The following NMBR variants were observed in gnomAD, a reference collection of about 807,000 sequenced individuals.
NMBR encodes the protein neuromedin-B receptor.
NMBR carries 16 observed loss-of-function variants against 20.5 expected under a neutral mutation model. The observed-to-expected ratio is 0.78, with a 90% CI of 0.53 to 1.19. The LOEUF (loss-of-function observed/expected upper bound fraction) is 1.19, where lower values mean the gene tolerates loss of function less well. Among genes scored for constraint, NMBR ranks in the 50% most tolerant of loss-of-function variants. NMBR has a pLI of 0.00. For missense variants in NMBR, 582 were observed against 499.1 expected, an observed-to-expected ratio of 1.17 and a Z score of -1.58; for synonymous variants, 212 against 196.6, an observed-to-expected ratio of 1.08 and a Z score of -0.65.
In NMBR at chr6:142,105,970, C is replaced by T. The variant is rs183973102; in HGVS notation, c.-663-16649G>A. ...TATTTTAACTTACAAATGATGTAGACATTTTATGATTATCTATTACTTAAT... is the reference window on the plus strand; with the variant it reads ...TATTTTAACTTACAAATGATGTAGATATTTTATGATTATCTATTACTTAAT... On this transcript the variant is annotated intron_variant, in intron 1 of 3. Transcript: ENST00000258042. Among the ~76,000 whole-genome samples the T allele has an allele frequency of 1.8e-3, 276 of 152,206 alleles. 2 individuals carry two copies. The highest frequency in any genetic ancestry group is 5.9e-3 in the African/African-American group (245 of 41,544).
At chr6:142,142,703 C>G (rs1778378623) in intron 1 of NMBR, among the ~76,000 whole-genome samples, 1 of 151,840 alleles carries the variant, frequency 6.6e-6, no homozygotes, top group African/African-American at 2.4e-5. Context: ...AGTACAATAA[C>G]ACAAACAATA....
chr6:142,095,022 G>C (rs562562990), intron 1 of NMBR, among the ~76,000 whole-genome samples: 1 of 152,100 alleles, frequency 6.6e-6, no homozygotes, highest in Admixed American at 6.6e-5. Flanking sequence ...GAATTTGCTG[G>C]AGTTGCCTAT....
chr6:142,113,826 T>G (rs1362275344), intron 1 of NMBR, among the ~76,000 whole-genome samples: 1 of 152,194 alleles, frequency 6.6e-6, no homozygotes, highest in Admixed American at 6.5e-5. Flanking sequence ...TCTAAATGAT[T>G]GTCATAAACA....
intron 1 of NMBR, among the ~76,000 whole-genome samples, chr6:142,094,647 T>C (rs1293764454): frequency 1.3e-5 from 2 of 152,188 alleles, no homozygotes; most frequent in Non-Finnish European, 2.9e-5. Flanking sequence ...CTTTTTTGGT[T>C]CCATATGAAC....
At chr6:142,092,392 T>C (rs1308212886) in intron 1 of NMBR, among the ~76,000 whole-genome samples, 3 of 152,266 alleles carry the variant, frequency 2.0e-5, no homozygotes, top group East Asian at 1.9e-4. Flanking sequence ...TAATACTATA[T>C]GTAGTATTAT....
chr6:142,139,290 A>C (rs1210041184), intron 1 of NMBR, among the ~76,000 whole-genome samples: 2 of 152,124 alleles, frequency 1.3e-5, no homozygotes, highest in African/African-American at 2.4e-5. Flanking sequence ...TCTTACTCTG[A>C]TTCATCCTTT....
intron 1 of NMBR, among the ~76,000 whole-genome samples, chr6:142,132,501 C>T (rs940995502): frequency 3.9e-5 from 6 of 152,136 alleles, no homozygotes; most frequent in African/African-American, 1.2e-4. Flanking sequence ...GATCTAATTA[C>T]AGATTTTTCC....
Position 142,126,250 on chromosome 6 carries a change from C to CCTCTCTCTCT in NMBR, c.-664+20784_-664+20793dup, listed in dbSNP as rs145085633. On this transcript the variant is annotated intron_variant, in intron 1 of 3. Coordinates refer to ENST00000258042, the MANE Select transcript of NMBR (RefSeq NM_002511.4). ...CCTCCTTTAAGGGCTTAACAATATT[C>CCTCTCTCTCT]CTCTCTCTCTCTGTGTGTGTGTGTG... Among the ~76,000 whole-genome samples the CCTCTCTCTCT allele has an allele frequency of 5.0e-3, 739 of 146,798 alleles. 6 individuals carry two copies. Among genetic ancestry groups the CCTCTCTCTCT allele is most frequent in the African/African-American group, 9.2e-3 (370 of 40,258 alleles).
At chr6:142,115,166 T>C (rs763377572) in intron 1 of NMBR, among the ~76,000 whole-genome samples, 1 of 152,098 alleles carries the variant, frequency 6.6e-6, no homozygotes, top group Non-Finnish European at 1.5e-5. Context: ...TTAGCCTGTG[T>C]GTTGCCAAAT....
intron 1 of NMBR, among the ~76,000 whole-genome samples, chr6:142,131,006 A>T (rs1216891036): frequency 1.3e-5 from 2 of 152,166 alleles, no homozygotes; most frequent in Non-Finnish European, 2.9e-5. Flanking sequence ...TGACCGTTAC[A>T]TATCTCCTGT....
intron 2 of NMBR, among the ~76,000 whole-genome samples, chr6:142,086,086 T>C (rs981118049): frequency 6.6e-6 from 1 of 151,572 alleles, no homozygotes; most frequent in African/African-American, 2.4e-5. Context: ...TGCTGGTAAA[T>C]AAAAAATACT....
intron 1 of NMBR, among the ~76,000 whole-genome samples, chr6:142,117,181 T>C (rs887340467): frequency 6.6e-6 from 1 of 151,900 alleles, no homozygotes; most frequent in African/African-American, 2.4e-5. Context: ...CCCAAACATA[T>C]AGAGCTAGAG....
At chr6:142,129,736 T>C (rs139007623) in intron 1 of NMBR, among the ~76,000 whole-genome samples, 3 of 152,268 alleles carry the variant, frequency 2.0e-5, no homozygotes, top group African/African-American at 7.2e-5. Context: ...TTTGTTAATA[T>C]ATAGTAGTCT....
rs376211334 is a variant in NMBR at position 142,092,018 on chromosome 6, T to C, written c.-663-2697A>G. Among the ~76,000 whole-genome samples the C allele has an allele frequency of 9.2e-5, 14 of 152,288 alleles. No homozygotes were observed. The East Asian group carries it at 1.2e-3, about 13-fold the overall frequency. On this transcript the variant is annotated intron_variant, in intron 1 of 3. Coordinates refer to ENST00000258042, the MANE Select transcript of NMBR (RefSeq NM_002511.4). ...TATTATGAAAAAATATAAAATACTA[T>C]ACTTATGGAGACATTTTATAGGTTT...
chr6:142,094,108 C>T (rs1002885200), intron 1 of NMBR, among the ~76,000 whole-genome samples: 2 of 151,960 alleles, frequency 1.3e-5, no homozygotes, highest in Non-Finnish European at 2.9e-5. Context: ...GTTGCCTGTT[C>T]ACTCTGATGG....
intron 1 of NMBR, among the ~76,000 whole-genome samples, chr6:142,115,490 G>C (rs958888946): frequency 2.6e-5 from 4 of 152,086 alleles, no homozygotes. Context: ...CAATGGTCAT[G>C]AAGCTGTGGA....
intron 1 of NMBR, among the ~76,000 whole-genome samples, chr6:142,130,094 A>G (rs1426640500): frequency 6.6e-6 from 1 of 152,118 alleles, no homozygotes; most frequent in Non-Finnish European, 1.5e-5. Context: ...GAGGAGTGTA[A>G]ATAAGGGCCA....
chr6:142,094,592 G>T (rs184300129), intron 1 of NMBR, among the ~76,000 whole-genome samples: 4 of 152,084 alleles, frequency 2.6e-5, no homozygotes, highest in Admixed American at 2.6e-4. Flanking sequence ...GGTGATGCCT[G>T]CAGCTTTGTT....
chr6:142,094,366 T>C (rs1470697671), intron 1 of NMBR, among the ~76,000 whole-genome samples: 2 of 152,244 alleles, frequency 1.3e-5, no homozygotes, highest in East Asian at 3.9e-4. Flanking sequence ...GCTTTCTACA[T>C]ATGGCTGACC....
Sources: allele counts gnomAD v4.1 joint callset (sites outside exome capture counted in the v4.1 genomes callset), GRCh38; gene constraint gnomAD v4.1.1; transcripts MANE v1.5; gene names NCBI Gene and HGNC (gene_info 2026-07-23, HGNC 2026-07-21).